TTC23: variants seen among roughly 807,000 people sequenced by gnomAD.
The protein encoded by TTC23 is tetratricopeptide repeat protein 23.
A neutral mutation model predicts 55.1 loss-of-function variants in TTC23; 58 were observed. That is an observed-to-expected ratio of 1.05 (90% CI 0.85 to 1.31). The LOEUF (loss-of-function observed/expected upper bound fraction) is 1.31. Among genes scored for constraint, TTC23 ranks in the 50% most tolerant of loss-of-function variants. The pLI, the probability that TTC23 is intolerant of heterozygous loss-of-function variation, is 0.00. For synonymous variants in TTC23, 203 were observed against 199.9 expected (o/e 1.02, Z -0.13); for missense variants, 516 against 534.4 (o/e 0.97, Z 0.34).
At chr15:99,146,152 T>C (rs8043501) in intron 12 of TTC23, among the ~76,000 whole-genome samples, 23,389 of 152,198 alleles carry the variant, frequency 0.15, 2,981 homozygotes, top group African/African-American at 0.35. Flanking sequence ...AATACAAATA[T>C]TTAGAAAATA....
At chr15:99,227,106 T>C (rs535951338) in intron 5 of TTC23, among the ~76,000 whole-genome samples, 4 of 152,218 alleles carry the variant, frequency 2.6e-5, no homozygotes, top group Non-Finnish European at 5.9e-5. Flanking sequence ...AGCCTACAAA[T>C]AGTAGGTTCT....
chr15:99,162,195 A>G (rs772356620), intron 10 of TTC23, among the ~76,000 whole-genome samples: 5 of 152,196 alleles, frequency 3.3e-5, no homozygotes, highest in Non-Finnish European at 7.3e-5. Context: ...AATTCTTCCT[A>G]TAACTTTAGT....
At chr15:99,167,287 G>A (rs1290536154) in intron 10 of TTC23, among the ~76,000 whole-genome samples, 2 of 152,196 alleles carry the variant, frequency 1.3e-5, no homozygotes, top group Non-Finnish European at 2.9e-5. Context: ...AGCAGTTTCA[G>A]CACTCTCACA....
chr15:99,151,265 T>C (rs2069697400), intron 12 of TTC23: 1 of 152,386 alleles, frequency 6.6e-6, no homozygotes, highest in East Asian at 1.9e-4. Flanking sequence ...CCCAGTTACC[T>C]TGGAAGCACC....
At chr15:99,212,173 G>A (rs1271950904) in intron 8 of TTC23, among the ~76,000 whole-genome samples, 1 of 152,206 alleles carries the variant, frequency 6.6e-6, no homozygotes, top group East Asian at 1.9e-4. Flanking sequence ...CAAGCAGTCA[G>A]AGAGAGCTGG....
chr15:99,211,402 A>G (rs2077030352), intron 8 of TTC23, among the ~76,000 whole-genome samples: 1 of 152,042 alleles, frequency 6.6e-6, no homozygotes, highest in Admixed American at 6.6e-5. Context: ...AAAAAGAAGA[A>G]GTAAGTATAT....
chr15:99,243,110 G>C (rs1268475778), intron 2 of TTC23, among the ~76,000 whole-genome samples: 2 of 151,992 alleles, frequency 1.3e-5, no homozygotes, highest in African/African-American at 4.8e-5. Context: ...TCTGACAAGG[G>C]ATTAATAACC....
At chr15:99,224,596 CT>C (rs2078233033) in intron 5 of TTC23, among the ~76,000 whole-genome samples, 1 of 152,208 alleles carries the variant, frequency 6.6e-6, no homozygotes, top group Admixed American at 6.5e-5. Context: ...GTATGGATAG[CT>C]TTGCACATAC....
At chr15:99,156,647 C>T (rs970015580) in intron 11 of TTC23, among the ~76,000 whole-genome samples, 1 of 152,176 alleles carries the variant, frequency 6.6e-6, no homozygotes. Context: ...CAGTCACTAT[C>T]GCAAGAACGG....
rs570390011 is a variant in TTC23, at chr15:99,147,064, G to A, written c.1144-7665C>T. ...CAAGTAGCTGAGATTACAGGCACAC[G>A]CCACCACACCTGGCTAATTTTTGTA... On this transcript the variant is annotated intron_variant, in intron 12 of 13. Transcript: ENST00000394132. Among the ~76,000 whole-genome samples the A allele has an allele frequency of 9.1e-4, 138 of 150,950 alleles. 6 individuals are homozygous for A. Among genetic ancestry groups the A allele is most frequent in the African/African-American group, 3.1e-3 (127 of 40,504 alleles).
chr15:99,231,457 CTG>C lies in TTC23; in HGVS notation c.-20-2727_-20-2726del, dbSNP rs983256950. 6.6e-5 allele frequency among the ~76,000 whole-genome samples: 10 copies of C among 152,152 alleles called. No individual in the cohort carries two copies. The South Asian group carries it at 8.3e-4, about 13-fold the overall frequency. ...AAGGCAGTGATATTGATGATCCTGA[CTG>C]TGTAGACCTACATTAATGTGTGTGT... On this transcript the variant is annotated intron_variant, in intron 4 of 13. Coordinates refer to ENST00000394132, the MANE Select transcript of TTC23 (RefSeq NM_001288615.3).
rs562223333 is a variant in TTC23 at position 99,206,561 on chromosome 15, C to T, written c.582-6465G>A. Among the ~76,000 whole-genome samples, 5 of 152,184 alleles carry T rather than the reference C, an allele frequency of 3.3e-5. No homozygotes were observed. The East Asian group carries it at 9.6e-4, about 29-fold the overall frequency. On this transcript the variant is annotated intron_variant, in intron 8 of 13. Coordinates refer to ENST00000394132, the MANE Select transcript of TTC23 (RefSeq NM_001288615.3). ...AGGTTTTATGTGTCTAGGAACTTAT[C>T]CATTTATTCTAGATTTTCCAGTTTA...
chr15:99,160,597 G>T (rs537891585), intron 11 of TTC23: 1 of 152,108 alleles, frequency 6.6e-6, no homozygotes, highest in African/African-American at 2.4e-5. Flanking sequence ...TATCCTTGGG[G>T]GCTCTGGAAC....
At chr15:99,195,512 T>G (rs539124053) in intron 9 of TTC23, among the ~76,000 whole-genome samples, 2 of 152,220 alleles carry the variant, frequency 1.3e-5, no homozygotes, top group Admixed American at 1.3e-4. Flanking sequence ...GTAAATGGTA[T>G]AGCCATTTTG....
At chr15:99,142,587 A>C (rs1567310422) in intron 12 of TTC23, among the ~76,000 whole-genome samples, 1 of 152,230 alleles carries the variant, frequency 6.6e-6, no homozygotes. Flanking sequence ...CTGCCTTAAC[A>C]GATTGCCTTC....
At chr15:99,204,696 T>C (rs1368575296) in intron 8 of TTC23, among the ~76,000 whole-genome samples, 1 of 134,840 alleles carries the variant, frequency 7.4e-6, no homozygotes, top group Non-Finnish European at 1.5e-5. Context: ...AGTGCAGTGG[T>C]GTGATCATAG....
intron 9 of TTC23, among the ~76,000 whole-genome samples, chr15:99,193,394 CT>C (rs2075409456): frequency 6.6e-6 from 1 of 152,090 alleles, no homozygotes. Context: ...GGGGGTAGGT[CT>C]TTCCCATGCT....
At chr15:99,246,590 G>C (rs905485198) in intron 1 of TTC23, among the ~76,000 whole-genome samples, 2 of 150,698 alleles carry the variant, frequency 1.3e-5, no homozygotes. Context: ...ACTCCAGCCC[G>C]GGTGACAGAG....
chr15:99,249,840 T>C (rs889534076), upstream of TTC23: 3 of 152,162 alleles, frequency 2.0e-5, no homozygotes, highest in African/African-American at 7.2e-5. Context: ...TCTCTACAAA[T>C]TGTGAGAACT....
Sources: gnomAD v4.1 joint callset for allele counts (sites outside exome capture counted in the v4.1 genomes callset) on GRCh38, gnomAD v4.1.1 for gene constraint, MANE v1.5 for transcripts, NCBI Gene and HGNC (gene_info 2026-07-23, HGNC 2026-07-21) for gene names.